GPR158: variants seen among roughly 807,000 people sequenced by gnomAD.
The protein encoded by GPR158 is metabotropic glycine receptor.
Under a neutral mutation model 78.2 loss-of-function variants are expected in GPR158, and 30 were observed. That is an observed-to-expected ratio of 0.38 (90% confidence interval 0.29 to 0.52). GPR158 has a LOEUF of 0.52. Among genes scored for constraint, GPR158 ranks in the 20% least tolerant of loss-of-function variants. GPR158 has a pLI of 0.83. For synonymous variants in GPR158, 581 were observed against 591.1 expected (o/e 0.98, Z 0.25); for missense variants, 1,463 against 1,523.5 (o/e 0.96, Z 0.66).
chr10:25,269,162 A>G (rs949321919), intron 2 of GPR158, among the ~76,000 whole-genome samples: 1 of 152,224 alleles, frequency 6.6e-6, no homozygotes, highest in African/African-American at 2.4e-5. Context: ...AATAAATCGT[A>G]TTAATTAATT....
intron 2 of GPR158, among the ~76,000 whole-genome samples, chr10:25,300,493 A>G (rs1854576767): frequency 6.6e-6 from 1 of 152,236 alleles, no homozygotes; most frequent in Middle Eastern, 3.4e-3. Flanking sequence ...TTGCCATGTA[A>G]AGTAACATTT....
At position 25,598,398 on chromosome 10, in the gene GPR158, T is replaced by A; in HGVS notation, c.2772T>A (p.Gly924=). ...LGLAGKTQTA[G]VEERTKSQKP... Reference sequence around the variant, plus strand: ...TAGCTGGGAAAACCCAAACAGCAGGTGTGGAAGAACGCACTAAATCCCAGA... The same window carrying A: ...TAGCTGGGAAAACCCAAACAGCAGGAGTGGAAGAACGCACTAAATCCCAGA... The change falls in exon 11 of 11, where the codon GGT becomes GGA. Residue 924 remains glycine (G), a synonymous_variant. Transcript: ENST00000376351. 1 of 1,613,950 alleles carries A rather than the reference T, an allele frequency of 6.2e-7. No homozygotes were observed. The highest frequency in any genetic ancestry group is 8.5e-7 in the Non-Finnish European group (1 of 1,180,000).
intron 2 of GPR158, among the ~76,000 whole-genome samples, chr10:25,339,931 G>C (rs559640939): frequency 3.8e-4 from 58 of 152,078 alleles, no homozygotes; most frequent in Non-Finnish European, 7.1e-4. Flanking sequence ...TTAGGAATCA[G>C]AAATGCCTTT....
chr10:25,299,063 A>G (rs1457875238), intron 2 of GPR158, among the ~76,000 whole-genome samples: 3 of 152,212 alleles, frequency 2.0e-5, no homozygotes, highest in African/African-American at 7.2e-5. Context: ...TTTATTTTAA[A>G]TTTTAAGGAG....
intron 1 of GPR158, among the ~76,000 whole-genome samples, chr10:25,196,238 AACTT>A (rs1345424435): frequency 6.6e-6 from 1 of 151,910 alleles, no homozygotes; most frequent in Non-Finnish European, 1.5e-5. Flanking sequence ...TTAAAAAAAA[AACTT>A]CTGAGAGATT....
intron 2 of GPR158, among the ~76,000 whole-genome samples, chr10:25,292,990 A>G (rs1854461837): frequency 6.6e-6 from 1 of 152,158 alleles, no homozygotes; most frequent in Admixed American, 6.5e-5. Context: ...CCCACCATGA[A>G]ATAAATGGAT....
chr10:25,227,006 A>G (rs60781827), intron 2 of GPR158, among the ~76,000 whole-genome samples: 345 of 152,154 alleles, frequency 2.3e-3, no homozygotes, highest in Non-Finnish European at 3.9e-3. Flanking sequence ...ATGGATGCTT[A>G]TTTGTTTTTG....
chr10:25,499,821 C>T (rs1243274074), intron 5 of GPR158, among the ~76,000 whole-genome samples: 4 of 152,088 alleles, frequency 2.6e-5, no homozygotes, highest in Admixed American at 2.0e-4. Flanking sequence ...TAGGCTTTGA[C>T]ATGGAGGATG....
intron 5 of GPR158, among the ~76,000 whole-genome samples, chr10:25,502,102 G>T (rs1835951510): frequency 6.6e-6 from 1 of 152,140 alleles, no homozygotes. Flanking sequence ...TCTAATTCCT[G>T]CTTCTTGAGA....
chr10:25,598,849 G>A lies in GPR158; in HGVS notation c.3223G>A (p.Glu1075Lys). 6.2e-7 allele frequency: 1 copy of A among 1,614,072 alleles called. No homozygotes were observed. The highest frequency in any genetic ancestry group is 8.5e-7 in the Non-Finnish European group (1 of 1,180,006). ...AGATAAGGCTGAAGTATGCCTTTGG[G>A]AGAGCCAAGGCCAGTCCATTTTGGA... ...RIDKAEVCLW[E>K]SQGQSILEDE... The change falls in exon 11 of 11, where the codon GAG becomes AAG. Residue 1075 changes from glutamate to lysine, a missense_variant. Coordinates refer to ENST00000376351, the MANE Select transcript of GPR158 (RefSeq NM_020752.3).
chr10:25,281,634 G>A (rs1320129144), intron 2 of GPR158, among the ~76,000 whole-genome samples: 1 of 150,328 alleles, frequency 6.7e-6, no homozygotes, highest in Non-Finnish European at 1.5e-5. Context: ...AAAAATTTGG[G>A]ATGTAATTAA....
chr10:25,221,001 A>G, intron 1 of GPR158, 51 bp from the exon 2 acceptor site: 1 of 1,018,780 alleles, frequency 9.8e-7, no homozygotes, highest in East Asian at 2.4e-5. Context: ...AATACAGAGA[A>G]ATCATAAATG....
chr10:25,433,909 C>G (rs1834959888), intron 4 of GPR158, among the ~76,000 whole-genome samples: 1 of 151,842 alleles, frequency 6.6e-6, no homozygotes, highest in Non-Finnish European at 1.5e-5. Context: ...CCTGTAATCC[C>G]AGCACTTTGG....
At chr10:25,381,281 A>G (rs1390844103) in intron 2 of GPR158, among the ~76,000 whole-genome samples, 1 of 152,228 alleles carries the variant, frequency 6.6e-6, no homozygotes, top group Non-Finnish European at 1.5e-5. Context: ...ATTTGGCAAC[A>G]TCAGATCAAT....
chr10:25,560,585 TTC>T (rs1467736561), intron 6 of GPR158, among the ~76,000 whole-genome samples: 3 of 152,344 alleles, frequency 2.0e-5, no homozygotes, highest in African/African-American at 7.2e-5. Context: ...TTTTTAAAAC[TTC>T]TTTTATATTG....
intron 4 of GPR158, 37 bp from the exon 5 acceptor site, chr10:25,466,614 G>GT: frequency 7.1e-7 from 1 of 1,406,672 alleles, no homozygotes; most frequent in South Asian, 1.2e-5. Flanking sequence ...GCTTAGAAAT[G>GT]TAAGTTAGTA....
At chr10:25,398,719 C>T (rs1461117939) in intron 3 of GPR158, among the ~76,000 whole-genome samples, 1 of 152,138 alleles carries the variant, frequency 6.6e-6, no homozygotes, top group Admixed American at 6.5e-5. Context: ...AGTCTAACTC[C>T]CATGTTATAC....
At chr10:25,204,818 G>GTTTTTTTTTT (rs1159106958) in intron 1 of GPR158, among the ~76,000 whole-genome samples, 1 of 118,968 alleles carries the variant, frequency 8.4e-6, no homozygotes, top group African/African-American at 3.4e-5. Context: ...GTCTCTGAGG[G>GTTTTTTTTTT]TTTTTTTTTT....
At chr10:25,461,943 T>C (rs948560220) in intron 4 of GPR158, among the ~76,000 whole-genome samples, 3 of 151,980 alleles carry the variant, frequency 2.0e-5, no homozygotes, top group African/African-American at 7.2e-5. Flanking sequence ...GGTTTCACCA[T>C]GTTAGCCAGG....
Sources: allele counts gnomAD v4.1 joint callset (sites outside exome capture counted in the v4.1 genomes callset), GRCh38; gene constraint gnomAD v4.1.1; transcripts MANE v1.5; gene names NCBI Gene and HGNC (gene_info 2026-07-23, HGNC 2026-07-21).